EPS15: variants seen among roughly 807,000 people sequenced by gnomAD.
The protein encoded by EPS15 is epidermal growth factor receptor substrate 15.
EPS15 carries 72 observed loss-of-function variants against 113.8 expected under a neutral mutation model. That is an observed-to-expected ratio of 0.63 (90% CI 0.52 to 0.77). The LOEUF is 0.77. Ranked by LOEUF, EPS15 falls within the 30% of genes least tolerant of loss-of-function variation. The pLI, the probability that EPS15 is intolerant of heterozygous loss-of-function variation, is 0.00. For missense variants in EPS15, 1,048 were observed against 1,045.8 expected (o/e 1.00, Z -0.03); for synonymous variants, 344 against 363.4 (o/e 0.95, Z 0.61).
chr1:51,514,459 C>A (rs939620558), intron 1 of EPS15, among the ~76,000 whole-genome samples: 1 of 152,002 alleles, frequency 6.6e-6, no homozygotes, highest in African/African-American at 2.4e-5. Context: ...AGCCCAGTAC[C>A]CAATAGTTAT....
intron 2 of EPS15, among the ~76,000 whole-genome samples, chr1:51,477,418 T>G (rs1377123514): frequency 6.6e-6 from 1 of 152,210 alleles, no homozygotes; most frequent in Non-Finnish European, 1.5e-5. Context: ...CTGGATTCCC[T>G]GATTTTTTGA....
At chr1:51,362,425 A>G (rs1050986029) in intron 23 of EPS15, among the ~76,000 whole-genome samples, 2 of 152,226 alleles carry the variant, frequency 1.3e-5, no homozygotes, top group African/African-American at 4.8e-5. Context: ...ATATACAATT[A>G]CTTGGATGAA....
rs1654641716 is a variant in EPS15 at position 51,463,736 on chromosome 1, C to G, written c.438G>C (p.Leu146=). 1 of 1,602,812 alleles carries G rather than the reference C, an allele frequency of 6.2e-7. No individual in the cohort carries two copies. The highest frequency in any genetic ancestry group is 1.1e-5 in the South Asian group (1 of 90,662). ...ACACTGGTTTCACTTTATCACCAGA[C>G]AGAAATCCATTCACTGGGCTTAAAC... ...FDSLSPVNGF[L]SGDKVKPVLL... Residue 146 remains leucine, a synonymous_variant, in exon 7 of 25, where the codon CTG becomes CTC. Transcript: ENST00000371733.
intron 1 of EPS15, among the ~76,000 whole-genome samples, chr1:51,503,170 C>T (rs974047577): frequency 3.3e-5 from 5 of 152,098 alleles, no homozygotes; most frequent in Non-Finnish European, 5.9e-5. Flanking sequence ...AAACATCCCA[C>T]GTTCATAGAT....
chr1:51,372,388 C>A, intron 21 of EPS15: 1 of 536,290 alleles, frequency 1.9e-6, no homozygotes, highest in South Asian at 1.4e-5. Flanking sequence ...CTTTTGGGGT[C>A]ATGGCAGACA....
chr1:51,371,508 A>AT lies in EPS15; in HGVS notation c.2120-5480_2120-5479insA, dbSNP rs539680846. ...CTTACATTTAAGAAAAAAGTTTAAAAGTTAAAAAAAAAAAGAAAAAAAAAA... is the reference window on the plus strand; with the variant it reads ...CTTACATTTAAGAAAAAAGTTTAAAATGTTAAAAAAAAAAAGAAAAAAAAAA... On this transcript the variant is annotated intron_variant, in intron 21 of 24. Transcript: ENST00000371733. Among the ~76,000 whole-genome samples the AT allele has an allele frequency of 3.7e-3, 526 of 142,276 alleles. 1 individual carries two copies. The highest frequency in any genetic ancestry group is 6.6e-3 in the Non-Finnish European group (426 of 64,950). The allele number at this position is 142,276 out of a possible 152,430, so 93.3% of individuals were successfully genotyped here. A position where few individuals can be genotyped will look rare whatever the true frequency, so the allele number is the denominator to read the frequency against.
At chr1:51,510,316 G>A (rs969394072) in intron 1 of EPS15, among the ~76,000 whole-genome samples, 5 of 152,108 alleles carry the variant, frequency 3.3e-5, no homozygotes, top group Admixed American at 3.3e-4. Flanking sequence ...AATGACTATA[G>A]GAAGCAGCAT....
chr1:51,384,016 T>G (rs79745379), intron 21 of EPS15, among the ~76,000 whole-genome samples: 4,861 of 152,218 alleles, frequency 0.032, 127 homozygotes, highest in Non-Finnish European at 0.05. Flanking sequence ...ATGAAATACT[T>G]GGGAATTAAC....
intron 2 of EPS15, among the ~76,000 whole-genome samples, chr1:51,477,111 A>G (rs1355240573): frequency 6.6e-6 from 1 of 152,080 alleles, no homozygotes; most frequent in African/African-American, 2.4e-5. Flanking sequence ...GTAAGCTATT[A>G]ATTATCGCCT....
chr1:51,384,969 T>C (rs1647029700), intron 21 of EPS15, among the ~76,000 whole-genome samples: 1 of 152,162 alleles, frequency 6.6e-6, no homozygotes, highest in Non-Finnish European at 1.5e-5. Context: ...AATACCTAAA[T>C]GTAAGAGCTA....
chr1:51,355,131 G>GA lies in EPS15; in HGVS notation c.*1568dup, dbSNP rs2148331792. 4.6e-6 allele frequency: 1 copy of GA among 218,742 alleles called. No individual in the cohort carries two copies. The highest frequency in any genetic ancestry group is 1.8e-4 in the South Asian group (1 of 5,422). 13.6% of individuals were successfully genotyped at this position (218,742 alleles called of 1,614,324 possible). Reference sequence around the variant, plus strand: ...AGAAATGTTTCTATTTACAAAGGTAGAAAAAAGTTAGCAGTGCAAGATAGT... The same window carrying GA: ...AGAAATGTTTCTATTTACAAAGGTAGAAAAAAAGTTAGCAGTGCAAGATAGT... On this transcript the variant is annotated 3_prime_UTR_variant, in exon 25 of 25. Transcript: ENST00000371733.
chr1:51,510,345 A>G (rs1036919152), intron 1 of EPS15, among the ~76,000 whole-genome samples: 10 of 152,256 alleles, frequency 6.6e-5, no homozygotes, highest in Non-Finnish European at 1.2e-4. Context: ...TACTTGGAGA[A>G]CAGATGTGCC....
At chr1:51,366,071 C>A (rs1229595327) in intron 21 of EPS15, 42 bp from the exon 22 acceptor site, 11 of 1,397,290 alleles carry the variant, frequency 7.9e-6, no homozygotes, top group Admixed American at 7.7e-5. Context: ...GACAGTAAGA[C>A]ATTTTTTTTT....
intron 1 of EPS15, among the ~76,000 whole-genome samples, chr1:51,495,380 G>A (rs1644308071): frequency 6.6e-6 from 1 of 150,830 alleles, no homozygotes; most frequent in South Asian, 2.1e-4. Context: ...CAAGTATGTA[G>A]AGTAAGAGTT....
rs181817669 is a variant in EPS15 at position 51,420,210 on chromosome 1, C to T, written c.1113+1576G>A. 5.3e-5 allele frequency among the ~76,000 whole-genome samples: 8 copies of T among 152,158 alleles called. 1 individual carries two copies. The East Asian group carries it at 5.8e-4, about 11-fold the overall frequency. ...CTAAGTAAGAAGGGCAAGCAAATCA[C>T]GGAGAAATTCTGATGGACAACAAAA... is the stretch of plus-strand genomic sequence containing the variant. On this transcript the variant is annotated intron_variant, in intron 13 of 24. Coordinates refer to ENST00000371733, the MANE Select transcript of EPS15 (RefSeq NM_001981.3).
At chr1:51,434,851 T>C (rs1326880780) in intron 12 of EPS15, among the ~76,000 whole-genome samples, 4 of 152,068 alleles carry the variant, frequency 2.6e-5, no homozygotes, top group Non-Finnish European at 5.9e-5. Context: ...TTTGTATTTT[T>C]AGTAGAGACG....
intron 11 of EPS15, among the ~76,000 whole-genome samples, 193 bp downstream of exon 11, chr1:51,444,696 A>G (rs1442334730): frequency 3.3e-5 from 5 of 152,242 alleles, no homozygotes; most frequent in African/African-American, 1.2e-4. Flanking sequence ...GGGGTAAACA[A>G]GCTACTGGCC....
chr1:51,357,942 T>G (rs1372244386), intron 24 of EPS15, among the ~76,000 whole-genome samples: 1 of 152,014 alleles, frequency 6.6e-6, no homozygotes, highest in African/African-American at 2.4e-5. Flanking sequence ...TTTCTTCATG[T>G]TGGTTAGGCT....
intron 22 of EPS15, 143 bp downstream of exon 22, chr1:51,365,810 C>T (rs1646495426): frequency 1.8e-6 from 1 of 551,648 alleles, no homozygotes; most frequent in Non-Finnish European, 3.2e-6. Context: ...TGTTATCTTT[C>T]ATTTCTATCT....
Sources: allele counts gnomAD v4.1 joint callset (sites outside exome capture counted in the v4.1 genomes callset), GRCh38; gene constraint gnomAD v4.1.1; transcripts MANE v1.5; gene names NCBI Gene and HGNC (gene_info 2026-07-23, HGNC 2026-07-21).